The following DCC variants were observed in gnomAD, a reference collection of about 807,000 sequenced individuals.
DCC encodes DCC netrin 1 receptor.
In DCC, 58 loss-of-function variants were observed where a neutral mutation model predicts 172.5. That is an observed-to-expected ratio of 0.34 (90% confidence interval 0.27 to 0.42). DCC has a LOEUF of 0.42. Ranked by LOEUF, DCC falls within the 10% of genes least tolerant of loss-of-function variation. The pLI is 1.00. For missense variants in DCC, 1,740 were observed against 1,791.0 expected (o/e 0.97, Z 0.51); for synonymous variants, 709 against 644.5 (o/e 1.10, Z -1.52).
At chr18:53,159,926 A>G (rs2054808159) in intron 8 of DCC, among the ~76,000 whole-genome samples, 2 of 152,326 alleles carry the variant, frequency 1.3e-5, no homozygotes, top group South Asian at 2.1e-4. Flanking sequence ...CACTCCACAC[A>G]GGAAGAATGG....
At chr18:52,534,271 C>T (rs1006255409) in intron 1 of DCC, among the ~76,000 whole-genome samples, 10 of 152,130 alleles carry the variant, frequency 6.6e-5, no homozygotes, top group African/African-American at 2.4e-4. Flanking sequence ...AGATCCAAGA[C>T]TTGATGGGTA....
intron 2 of DCC, among the ~76,000 whole-genome samples, chr18:52,754,536 C>G (rs1350854273): frequency 6.6e-6 from 1 of 152,108 alleles, no homozygotes; most frequent in Non-Finnish European, 1.5e-5. Context: ...AATCTGCAAC[C>G]CAGAAGAGGA....
chr18:53,371,580 T>C (rs1292766843), intron 15 of DCC, among the ~76,000 whole-genome samples: 2 of 151,934 alleles, frequency 1.3e-5, no homozygotes, highest in Admixed American at 1.3e-4. Flanking sequence ...GCATCAGAGA[T>C]AAATTAGGGC....
intron 27 of DCC, among the ~76,000 whole-genome samples, chr18:53,512,706 T>TATC (rs1205709913): frequency 1.3e-5 from 2 of 151,180 alleles, no homozygotes; most frequent in African/African-American, 4.9e-5. Flanking sequence ...GAAGAAAGGG[T>TATC]ATCAGCAATG....
intron 7 of DCC, among the ~76,000 whole-genome samples, chr18:53,126,587 T>C (rs1364426093): frequency 2.0e-5 from 3 of 152,142 alleles, no homozygotes; most frequent in Non-Finnish European, 2.9e-5. Flanking sequence ...GGGTTGGTCA[T>C]TGATTTTCTT....
chr18:53,177,688 A>G (rs1464023815), intron 8 of DCC, among the ~76,000 whole-genome samples: 1 of 152,176 alleles, frequency 6.6e-6, no homozygotes, highest in African/African-American at 2.4e-5. Context: ...TGTGCAGTTT[A>G]TTTTAGGCCA....
intron 5 of DCC, among the ~76,000 whole-genome samples, chr18:53,013,900 T>C (rs1215427687): frequency 6.6e-6 from 1 of 152,110 alleles, no homozygotes; most frequent in African/African-American, 2.4e-5. Flanking sequence ...TGAAGACTGG[T>C]GAAAGTTTCA....
At chr18:52,853,027 C>T (rs112702654) in intron 2 of DCC, among the ~76,000 whole-genome samples, 4,062 of 152,128 alleles carry the variant, frequency 0.027, 160 homozygotes, top group African/African-American at 0.089. Flanking sequence ...AAGTTTCTGC[C>T]TTGCTTTCCT....
chr18:53,449,590 CA>C (rs2045380582), intron 22 of DCC, among the ~76,000 whole-genome samples: 1 of 152,128 alleles, frequency 6.6e-6, no homozygotes, highest in South Asian at 2.1e-4. Flanking sequence ...TGATTGGTAT[CA>C]AGCAGTTTGT....
At chr18:53,402,969 C>G (rs1909411966) in intron 19 of DCC, 76 bp downstream of exon 19, 1 of 1,032,190 alleles carries the variant, frequency 9.7e-7, no homozygotes, top group Non-Finnish European at 1.5e-6. Flanking sequence ...TGAGCTGCTC[C>G]TGCCTTTCGT....
intron 1 of DCC, among the ~76,000 whole-genome samples, chr18:52,585,333 C>T (rs1181606380): frequency 1.3e-5 from 2 of 152,162 alleles, no homozygotes; most frequent in Admixed American, 6.5e-5. Flanking sequence ...TTTTTTCCTT[C>T]ACTTTCAGAT....
intron 1 of DCC, among the ~76,000 whole-genome samples, chr18:52,505,434 T>C (rs955746347): frequency 2.0e-5 from 3 of 152,206 alleles, no homozygotes; most frequent in Admixed American, 6.5e-5. Context: ...TCTTCTCCCT[T>C]GGTCTCTGAT....
chr18:52,886,639 A>G (rs1222224531), intron 2 of DCC, among the ~76,000 whole-genome samples: 4 of 152,136 alleles, frequency 2.6e-5, no homozygotes, highest in South Asian at 2.1e-4. Context: ...GGGTCAGACA[A>G]AACCTCTGTT....
chr18:53,465,385 T>G (rs553600339), intron 24 of DCC, among the ~76,000 whole-genome samples: 1 of 152,314 alleles, frequency 6.6e-6, no homozygotes, highest in African/African-American at 2.4e-5. Context: ...AGTTCTCTTT[T>G]AGCACTTGAA....
At chr18:52,970,741 A>G (rs1246938723) in intron 5 of DCC, among the ~76,000 whole-genome samples, 1 of 152,196 alleles carries the variant, frequency 6.6e-6, no homozygotes, top group East Asian at 1.9e-4. Flanking sequence ...TATGCCATAG[A>G]CTAAGCATTG....
intron 27 of DCC, among the ~76,000 whole-genome samples, chr18:53,503,907 G>T (rs1438116871): frequency 6.6e-6 from 1 of 152,150 alleles, no homozygotes; most frequent in African/African-American, 2.4e-5. Flanking sequence ...AGAGCATTCT[G>T]ATCTTTTCCA....
intron 1 of DCC, among the ~76,000 whole-genome samples, chr18:52,744,596 C>T (rs1037315671): frequency 6.6e-6 from 1 of 152,100 alleles, no homozygotes; most frequent in South Asian, 2.1e-4. Flanking sequence ...TTTTTAATGT[C>T]TTATCAAAGT....
chr18:53,159,359 CT>C (rs1384967180), intron 8 of DCC, among the ~76,000 whole-genome samples: 1 of 152,180 alleles, frequency 6.6e-6, no homozygotes, highest in Non-Finnish European at 1.5e-5. Flanking sequence ...TGACTGCTGC[CT>C]CCCAACACTA....
chr18:53,041,525 A>G (rs2042168810), intron 5 of DCC, among the ~76,000 whole-genome samples: 2 of 152,086 alleles, frequency 1.3e-5, no homozygotes, highest in Admixed American at 1.3e-4. Flanking sequence ...AAGAAATTAA[A>G]AGTAGTTTTT....
Sources: allele counts gnomAD v4.1 joint callset (sites outside exome capture counted in the v4.1 genomes callset), GRCh38; gene constraint gnomAD v4.1.1; transcripts MANE v1.5; gene names NCBI Gene and HGNC (gene_info 2026-07-23, HGNC 2026-07-21).